Variants in PRPH observed in about 807,000 individuals in gnomAD.
PRPH encodes the protein peripherin.
A neutral mutation model predicts 52.6 loss-of-function variants in PRPH; 48 were observed. The ratio of observed to expected loss-of-function variants is 0.91; its 90% CI spans 0.72 to 1.16. The LOEUF is 1.16. PRPH is among the 50% of genes most tolerant of loss of function. The pLI is 0.00. For missense variants in PRPH, 579 were observed against 635.7 expected, an observed-to-expected ratio of 0.91 and a Z score of 0.96; for synonymous variants, 279 against 283.8, an observed-to-expected ratio of 0.98 and a Z score of 0.17.
In PRPH at chr12:49,296,090, C is replaced by T. The variant is rs1943174653; in HGVS notation, c.546-88C>T. 6 of 1,449,114 alleles carry T rather than the reference C, an allele frequency of 4.1e-6. No individual in the cohort carries two copies. In the South Asian group the frequency reaches 7.2e-5, roughly 17 times the overall value. The allele number at this position is 1,449,114 out of a possible 1,614,324, so 89.8% of individuals were successfully genotyped here. ...TTAGAGTCCTGGGCAGCAGAACAGC[C>T]TCTAACCGGATCCTGGGGGGCGTGC... On this transcript the variant is annotated intron_variant, in intron 1 of 8. Transcript: ENST00000257860. The surrounding 1 kb of genome is among the most constrained non-coding windows in gnomAD (Gnocchi z 5.1).
Position 49,296,467 on chromosome 12 carries a change from A to G in PRPH, c.642A>G (p.Leu214=). The change falls in exon 3 of 9, where the codon CTA becomes CTG. Residue 214 remains leucine (L), a synonymous_variant. Coordinates refer to ENST00000257860, the MANE Select transcript of PRPH (RefSeq NM_006262.4). This position sits in a 1 kb window ranked among gnomAD's most constrained non-coding sequence, Gnocchi z 5.1. Reference sequence around the variant, plus strand: ...ATGCCACTCTGTCCCGCCTGGAACTAGAGCGCAAGATTGAGTCTCTGATGG... The same window carrying G: ...ATGCCACTCTGTCCCGCCTGGAACTGGAGCGCAAGATTGAGTCTCTGATGG... ...VDDATLSRLE[L]ERKIESLMDE... The G allele has an allele frequency of 6.2e-7, 1 of 1,614,172 alleles. No homozygotes were observed. The highest frequency in any genetic ancestry group is 1.1e-5 in the South Asian group (1 of 91,082).
Position 49,297,115 on chromosome 12 carries a change from C to T in PRPH, c.871-33C>T. The T allele has an allele frequency of 6.2e-7, 1 of 1,613,946 alleles. No homozygotes were observed. The highest frequency in any genetic ancestry group is 8.5e-7 in the Non-Finnish European group (1 of 1,179,974). On this transcript the variant is annotated intron_variant, in intron 4 of 8. Transcript: ENST00000257860. The surrounding 1 kb of genome is among the most constrained non-coding windows in gnomAD (Gnocchi z 4.4). ...GCTGGGGTGGTGTCGCGCGTCCCAG[C>T]CGACTAAAGCCTGGGTTACCCCCAC...
chr12:49,298,185 C>T (rs1943215110), intron 8 of PRPH, 103 bp from the exon 9 acceptor site: 1 of 1,477,036 alleles, frequency 6.8e-7, no homozygotes, highest in Non-Finnish European at 9.4e-7. Flanking sequence ...TAACCAGGAG[C>T]CTCTGCTGGT....
Position 49,297,229 on chromosome 12 carries a change from C to CT in PRPH, c.952_953insT (p.Gln318LeufsTer108). 2 of 1,614,080 alleles carry CT rather than the reference C, an allele frequency of 1.2e-6. No homozygotes were observed. The highest frequency in any genetic ancestry group is 1.7e-6 in the Non-Finnish European group (2 of 1,180,012). ...GCAGGAGATGAACGAGTCCCGACGC[C>CT]AGATCCAGAGTCTAACGTGCGAGGT... On this transcript the variant is annotated frameshift_variant, in exon 5 of 9. Transcript: ENST00000257860. LOFTEE classifies it high-confidence loss of function. This position sits in a 1 kb window ranked among gnomAD's most constrained non-coding sequence, Gnocchi z 4.4.
chr12:49,295,973 C>A, intron 1 of PRPH: 1 of 1,418,452 alleles, frequency 7.0e-7, no homozygotes, highest in Non-Finnish European at 9.4e-7. Context: ...GGTATCTGTG[C>A]CTCCCCTGAG....
Position 49,295,661 on chromosome 12 carries a change from A to G in PRPH, c.461A>G (p.Glu154Gly), listed in dbSNP as rs1203035663. 2 of 1,538,132 alleles carry G rather than the reference A, an allele frequency of 1.3e-6. No individual in the cohort carries two copies. Among genetic ancestry groups the G allele is most frequent in the South Asian group, 2.4e-5 (2 of 83,534 alleles). The change falls in exon 1 of 9, where the codon GAG becomes GGG. Residue 154 changes from glutamate to glycine, a missense_variant. Glu to Gly is a moderately conservative substitution (Grantham distance 98). Coordinates refer to ENST00000257860, the MANE Select transcript of PRPH (RefSeq NM_006262.4). ...CAGGAGCTGCGCGAGCTGCGGCGAGAGCTGGAGCTGTTGGGCCGCGAGCGT... is the reference window on the plus strand; with the variant it reads ...CAGGAGCTGCGCGAGCTGCGGCGAGGGCTGGAGCTGTTGGGCCGCGAGCGT... ...CQQELRELRR[E>G]LELLGRERDR...
At position 49,296,518 on chromosome 12, in the gene PRPH, G is replaced by A. The variant is rs746248640; in HGVS notation, c.693G>A (p.Leu231=). Residue 231 remains leucine, a synonymous_variant, in exon 3 of 9, where the codon CTG becomes CTA. Transcript: ENST00000257860. The surrounding 1 kb of genome is among the most constrained non-coding windows in gnomAD (Gnocchi z 5.1). ...LMDEIEFLKK[L]HEEELRDLQV... is the part of the protein sequence containing the mutation. Reference sequence around the variant, plus strand: ...ATGAGATTGAGTTCCTCAAGAAGCTGCACGAGGAGGTAAGTGGGCCCGGTA... The same window carrying A: ...ATGAGATTGAGTTCCTCAAGAAGCTACACGAGGAGGTAAGTGGGCCCGGTA... 1 of 1,614,074 alleles carries A rather than the reference G, an allele frequency of 6.2e-7. No homozygotes were observed. Among genetic ancestry groups the A allele is most frequent in the Non-Finnish European group, 8.5e-7 (1 of 1,179,974 alleles).
rs1459704018 is a variant in PRPH, at chr12:49,296,311, G to A, written c.606+73G>A. On this transcript the variant is annotated intron_variant, in intron 2 of 8. Transcript: ENST00000257860. This position sits in a 1 kb window ranked among gnomAD's most constrained non-coding sequence, Gnocchi z 5.1. Reference sequence around the variant, plus strand: ...GATCTCAGTATCCAGAGGTGGCATCGGTGGGCGCGGGGAGAAGGGGGTAAC... The same window carrying A: ...GATCTCAGTATCCAGAGGTGGCATCAGTGGGCGCGGGGAGAAGGGGGTAAC... 1.4e-5 allele frequency: 22 copies of A among 1,584,206 alleles called. No individual in the cohort carries two copies. Among genetic ancestry groups the A allele is most frequent in the Non-Finnish European group, 1.7e-5 (20 of 1,157,800 alleles).
At position 49,297,413 on chromosome 12, in the gene PRPH, G is replaced by T. The variant is rs537023141; in HGVS notation, c.1053G>T (p.Ala351=). ...RELEEQFALE[A]GGYQAGAARL... Reference sequence around the variant, plus strand: ...TGGAGGAGCAGTTCGCCCTGGAGGCGGGGGGCTACCAGGCGGGCGCTGCGC... The same window carrying T: ...TGGAGGAGCAGTTCGCCCTGGAGGCTGGGGGCTACCAGGCGGGCGCTGCGC... The change falls in exon 6 of 9, where the codon GCG becomes GCT. Residue 351 remains alanine (A), a synonymous_variant. Coordinates refer to ENST00000257860, the MANE Select transcript of PRPH (RefSeq NM_006262.4). This position sits in a 1 kb window ranked among gnomAD's most constrained non-coding sequence, Gnocchi z 4.4. The T allele has an allele frequency of 1.2e-6, 2 of 1,613,224 alleles. No homozygotes were observed. The highest frequency in any genetic ancestry group is 1.7e-5 in the Admixed American group (1 of 59,980).
Position 49,296,434 on chromosome 12 carries a change from C to T in PRPH, c.609C>T (p.Asp203=), listed in dbSNP as rs746174471. Residue 203 remains aspartate (D), a splice_region_variant and synonymous_variant, in exon 3 of 9, where the codon GAC becomes GAT. Transcript: ENST00000257860. The surrounding 1 kb of genome is among the most constrained non-coding windows in gnomAD (Gnocchi z 5.1). ...AEHNLVLFRK[D]VDDATLSRLE... Reference sequence around the variant, plus strand: ...ACCTCCACTGCCACCCCTCGAAGGACGTGGACGATGCCACTCTGTCCCGCC... The same window carrying T: ...ACCTCCACTGCCACCCCTCGAAGGATGTGGACGATGCCACTCTGTCCCGCC... 3.7e-6 allele frequency: 6 copies of T among 1,613,922 alleles called. No homozygotes were observed. Among genetic ancestry groups the T allele is most frequent in the Non-Finnish European group, 5.1e-6 (6 of 1,179,924 alleles).
rs774360634 is a variant in PRPH, at chr12:49,297,155, A to G, written c.878A>G (p.Asp293Gly). 31 of 1,613,936 alleles carry G rather than the reference A, an allele frequency of 1.9e-5. No homozygotes were observed. The South Asian group carries it at 3.2e-4, about 17-fold the overall frequency. Residue 293 changes from aspartate (D) to glycine (G), a missense_variant, in exon 5 of 9, where the codon GAC becomes GGC. Transcript: ENST00000257860. The surrounding 1 kb of genome is among the most constrained non-coding windows in gnomAD (Gnocchi z 4.4). ...AEEWYKSKYA[D>G]LSDAANRNHE... ...GTTACCCCCACTTCTCAGTACGCGG[A>G]CCTGTCCGACGCTGCCAACCGGAAC...
chr12:49,295,534 A>G lies in PRPH; in HGVS notation c.334A>G (p.Ile112Val). ...GCTCAACGACCGCTTCGCCAACTTC[A>G]TCGAGAAGGTACGCTTTCTGGAGCA... ...QELNDRFANFIEKVRFLEQQN... is the reference protein window; with the variant it reads ...QELNDRFANFVEKVRFLEQQN... Residue 112 changes from isoleucine (I) to valine (V), a missense_variant, in exon 1 of 9, where the codon ATC (isoleucine) becomes GTC (valine). Ile to Val is a conservative substitution (Grantham distance 29). Coordinates refer to ENST00000257860, the MANE Select transcript of PRPH (RefSeq NM_006262.4). The G allele has an allele frequency of 6.3e-7, 1 of 1,595,294 alleles. No homozygotes were observed.
In PRPH at chr12:49,296,381, G is replaced by C. The variant is rs928951061; in HGVS notation, c.607-51G>C. On this transcript the variant is annotated intron_variant, in intron 2 of 8. Transcript: ENST00000257860. This position sits in a 1 kb window ranked among gnomAD's most constrained non-coding sequence, Gnocchi z 5.1. ...GACAGGGAAGGCCTGGTCCTTCCTT[G>C]GTCTGCGCAGCCCCTAACTTATCTT... is the stretch of plus-strand genomic sequence containing the variant. 3 of 1,592,868 alleles carry C rather than the reference G, an allele frequency of 1.9e-6. No homozygotes were observed. The highest frequency in any genetic ancestry group is 1.7e-5 in the Admixed American group (1 of 59,544).
At position 49,296,741 on chromosome 12, in the gene PRPH, C is replaced by T. The variant is rs542381404; in HGVS notation, c.703-148C>T. The T allele has an allele frequency of 1.4e-5, 19 of 1,332,936 alleles. No individual in the cohort carries two copies. In the South Asian group the frequency reaches 1.9e-4, roughly 13 times the overall value. 82.6% of individuals were successfully genotyped at this position (1,332,936 alleles called of 1,614,324 possible). A position where few individuals can be genotyped will look rare whatever the true frequency, so the allele number is the denominator to read the frequency against. The stretch of plus-strand genomic sequence containing the variant: ...CTCCGAAACCTGGCCTCTGGTCTCG[C>T]GCCCGCGGGGGCGCAGGGCTGTACG... On this transcript the variant is annotated intron_variant, in intron 3 of 8. Coordinates refer to ENST00000257860, the MANE Select transcript of PRPH (RefSeq NM_006262.4). The surrounding 1 kb of genome is among the most constrained non-coding windows in gnomAD (Gnocchi z 5.1).
At position 49,297,298 on chromosome 12, in the gene PRPH, G is replaced by A; in HGVS notation, c.996+25G>A. 1 of 1,613,746 alleles carries A rather than the reference G, an allele frequency of 6.2e-7. No individual in the cohort carries two copies. Among genetic ancestry groups the A allele is most frequent in the Non-Finnish European group, 8.5e-7 (1 of 1,179,978 alleles). On this transcript the variant is annotated intron_variant, in intron 5 of 8. Transcript: ENST00000257860. This position sits in a 1 kb window ranked among gnomAD's most constrained non-coding sequence, Gnocchi z 4.4. ...GGTGAGTACGAAGCTGCGCGCTCGGGCCCGGGGAGCGGACGATGAAATGTT... is the reference window on the plus strand; with the variant it reads ...GGTGAGTACGAAGCTGCGCGCTCGGACCCGGGGAGCGGACGATGAAATGTT...
rs183823142 is a variant in PRPH at position 49,295,666 on chromosome 12, G to C, written c.466G>C (p.Glu156Gln). The C allele has an allele frequency of 2.7e-5, 41 of 1,537,266 alleles. No homozygotes were observed. In the African/African-American group the frequency reaches 4.3e-4, roughly 16 times the overall value. The part of the protein sequence containing the change: ...QELRELRREL[E>Q]LLGRERDRVQ... ...GCTGCGCGAGCTGCGGCGAGAGCTG[G>C]AGCTGTTGGGCCGCGAGCGTGACCG... The change falls in exon 1 of 9, where the codon GAG (glutamate) becomes CAG (glutamine). Residue 156 changes from glutamate (E) to glutamine (Q), a missense_variant. Transcript: ENST00000257860.
At chr12:49,298,138 G>T in intron 8 of PRPH, 101 bp downstream of exon 8, 1 of 1,492,556 alleles carries the variant, frequency 6.7e-7, no homozygotes, top group Non-Finnish European at 9.2e-7. Flanking sequence ...GTAATTCTTG[G>T]GGAGAGACAG....
chr12:49,295,643 T>TGCGCGAGCTGCG lies in PRPH; in HGVS notation c.447_458dup (p.Arg152_Leu155dup). 2 of 1,540,660 alleles carry TGCGCGAGCTGCG rather than the reference T, an allele frequency of 1.3e-6. No homozygotes were observed. Among genetic ancestry groups the TGCGCGAGCTGCG allele is most frequent in the Non-Finnish European group, 1.7e-6 (2 of 1,144,728 alleles). On this transcript the variant is annotated inframe_insertion, in exon 1 of 9. Transcript: ENST00000257860. ...GCCGACCAGCTGTGCCAGCAGGAGC[T>TGCGCGAGCTGCG]GCGCGAGCTGCGGCGAGAGCTGGAG... is the stretch of plus-strand genomic sequence containing the variant.
chr12:49,298,122 G>A lies in PRPH; in HGVS notation c.1347+85G>A, dbSNP rs919817653. The stretch of plus-strand genomic sequence containing the variant: ...GCCTGGCTGTCGCTAATCTTACTTA[G>A]GGTGGGTAATTCTTGGGGAGAGACA... On this transcript the variant is annotated intron_variant, in intron 8 of 8. Coordinates refer to ENST00000257860, the MANE Select transcript of PRPH (RefSeq NM_006262.4). 2.6e-6 allele frequency: 4 copies of A among 1,525,208 alleles called. No homozygotes were observed. In the African/African-American group the frequency reaches 4.1e-5, roughly 16 times the overall value. The allele number at this position is 1,525,208 out of a possible 1,614,324, so 94.5% of individuals were successfully genotyped here.
Sources: gnomAD v4.1 joint callset for allele counts on GRCh38, gnomAD v4.1.1 for gene constraint, Gnocchi (gnomAD v3.1) non-coding constraint, MANE v1.5 for transcripts, NCBI Gene and HGNC (gene_info 2026-07-23, HGNC 2026-07-21) for gene names.